Variants in CNST observed in about 807,000 individuals in gnomAD.
CNST encodes consortin, connexin sorting protein, also known as consortin.
A neutral mutation model predicts 72.4 loss-of-function variants in CNST; 39 were observed. That is an observed-to-expected ratio of 0.54 (90% CI 0.42 to 0.70). The LOEUF (loss-of-function observed/expected upper bound fraction) is 0.70, where lower values mean the gene tolerates loss of function less well. CNST is among the 30% of genes least tolerant of loss of function. The pLI is 0.00. For missense variants in CNST, 871 were observed against 868.5 expected, an observed-to-expected ratio of 1.00 and a Z score of -0.04; for synonymous variants, 332 against 320.1, an observed-to-expected ratio of 1.04 and a Z score of -0.40.
chr1:246,630,425 C>T (rs1378777219), intron 3 of CNST, among the ~76,000 whole-genome samples: 1 of 152,164 alleles, frequency 6.6e-6, no homozygotes, highest in Non-Finnish European at 1.5e-5. Flanking sequence ...TTTAATATAA[C>T]ATAAATATGG....
At chr1:246,635,196 C>T (rs1665113909) in intron 6 of CNST, among the ~76,000 whole-genome samples, 1 of 151,846 alleles carries the variant, frequency 6.6e-6, no homozygotes, top group Admixed American at 6.6e-5. Context: ...TAGAGGGTGG[C>T]GTGGGCACCT....
At chr1:246,612,006 A>G (rs1002552251) in intron 2 of CNST, among the ~76,000 whole-genome samples, 4 of 152,242 alleles carry the variant, frequency 2.6e-5, no homozygotes, top group African/African-American at 9.6e-5. Context: ...ACAAAAGGAC[A>G]AATATTTTAT....
intron 1 of CNST, among the ~76,000 whole-genome samples, chr1:246,578,668 CAA>C (rs535495219): frequency 7.1e-6 from 1 of 140,372 alleles, no homozygotes; most frequent in Admixed American, 7.1e-5. Flanking sequence ...GACTCCGTTT[CAA>C]AAAAAAAAAA....
At chr1:246,621,811 A>C (rs6699673) in intron 3 of CNST, among the ~76,000 whole-genome samples, 177 bp downstream of exon 3, 44,109 of 152,026 alleles carry the variant, frequency 0.29, 7,183 homozygotes, top group East Asian at 0.67. Context: ...CCTGGGCAAC[A>C]TGGCGAAACC....
At chr1:246,637,555 G>A (rs1005681166) in intron 6 of CNST, among the ~76,000 whole-genome samples, 7 of 152,198 alleles carry the variant, frequency 4.6e-5, no homozygotes, top group African/African-American at 1.7e-4. Flanking sequence ...GGTGTTGCAC[G>A]GAGTCTCATG....
intron 9 of CNST, among the ~76,000 whole-genome samples, chr1:246,657,729 A>T (rs1666846904): frequency 6.6e-6 from 1 of 152,192 alleles, no homozygotes; most frequent in African/African-American, 2.4e-5. Flanking sequence ...GAGCTAAGGC[A>T]GGGACCTCAC....
intron 1 of CNST, among the ~76,000 whole-genome samples, chr1:246,589,227 C>T (rs2103022538): frequency 6.6e-6 from 1 of 151,796 alleles, no homozygotes; most frequent in South Asian, 2.1e-4. Flanking sequence ...AACTCGTCAT[C>T]TAGCATTAGG....
Position 246,660,350 on chromosome 1 carries a change from C to A in CNST, c.1972+16C>A, listed in dbSNP as rs767736999. The A allele has an allele frequency of 1.9e-6, 3 of 1,608,684 alleles. No homozygotes were observed. Among genetic ancestry groups the A allele is most frequent in the Admixed American group, 1.7e-5 (1 of 58,634 alleles). ...TTGGATCAAGGTAAACCGCTTGGCA[C>A]TGTGGCTAGCAGGATAGATGCTCAG... On this transcript the variant is annotated intron_variant, in intron 10 of 10. Transcript: ENST00000366513.
chr1:246,655,934 A>G (rs1666747436), intron 9 of CNST, among the ~76,000 whole-genome samples: 1 of 152,250 alleles, frequency 6.6e-6, no homozygotes, highest in Non-Finnish European at 1.5e-5. Context: ...AGTTGTTATT[A>G]TGGAACCCAA....
rs563812537 is a variant in CNST, at chr1:246,660,164, A to G, written c.1837-35A>G. 9 of 1,570,272 alleles carry G rather than the reference A, an allele frequency of 5.7e-6. No individual in the cohort carries two copies. In the African/African-American group the frequency reaches 1.2e-4, roughly 22 times the overall value. On this transcript the variant is annotated intron_variant, in intron 9 of 10. Coordinates refer to ENST00000366513, the MANE Select transcript of CNST (RefSeq NM_152609.3). ...CTACATGTAGAGATGTCCCGCCTTA[A>G]TAAAAGAATTATAGGTTCTTATAAT...
At chr1:246,634,957 GTGTCTTCCGGCCGGGGTGC>G (rs1665070142) in intron 6 of CNST, among the ~76,000 whole-genome samples, 1 of 43,394 alleles carries the variant, frequency 2.3e-5, no homozygotes, top group African/African-American at 8.5e-5. Flanking sequence ...TCGGTGGTGC[GTGTCTTCCGGCCGGGGTGC>G]GTGTCTTCCG....
intron 1 of CNST, among the ~76,000 whole-genome samples, chr1:246,567,369 A>G (rs902073456): frequency 3.3e-5 from 5 of 150,060 alleles, no homozygotes; most frequent in East Asian, 2.0e-4. Flanking sequence ...TTTTTTACCT[A>G]TTGGGCAATG....
chr1:246,650,794 C>G (rs1401685572), intron 9 of CNST, among the ~76,000 whole-genome samples: 1 of 151,182 alleles, frequency 6.6e-6, no homozygotes, highest in Admixed American at 6.6e-5. Flanking sequence ...ACTCGTGCCT[C>G]AGTCTGTCGA....
At chr1:246,570,858 C>T (rs1187470830) in intron 1 of CNST, among the ~76,000 whole-genome samples, 1 of 152,114 alleles carries the variant, frequency 6.6e-6, no homozygotes, top group East Asian at 1.9e-4. Context: ...TTTTAAAAAG[C>T]CCTGATAAGG....
intron 3 of CNST, among the ~76,000 whole-genome samples, chr1:246,624,895 C>T (rs1664315923): frequency 6.6e-6 from 1 of 152,178 alleles, no homozygotes; most frequent in African/African-American, 2.4e-5. Context: ...CTCAGGTGAT[C>T]CACCCGCCTT....
In CNST at chr1:246,574,254, G is replaced by C. The variant is rs187947697; in HGVS notation, c.-52+7591G>C. On this transcript the variant is annotated intron_variant, in intron 1 of 10. Transcript: ENST00000366513. ...GACGGGATTTCACCGTGTTAGCCAG[G>C]ATGGTCTCGATCTCCTTACCTTGTG... Among the ~76,000 whole-genome samples, 592 of 152,220 alleles carry C rather than the reference G, an allele frequency of 3.9e-3. 3 individuals are homozygous for C. The highest frequency in any genetic ancestry group is 0.014 in the African/African-American group (568 of 41,530).
intron 10 of CNST, among the ~76,000 whole-genome samples, chr1:246,664,592 G>A (rs542763573): frequency 3.9e-5 from 6 of 152,032 alleles, no homozygotes; most frequent in South Asian, 2.1e-4. Context: ...ACGCCCAGCT[G>A]ATTTTTTATA....
At chr1:246,652,961 A>ATG (rs1558594534) in intron 9 of CNST, among the ~76,000 whole-genome samples, 7 of 151,108 alleles carry the variant, frequency 4.6e-5, no homozygotes, top group South Asian at 4.2e-4. Flanking sequence ...CCGAGATTGC[A>ATG]CCACTGCACT....
intron 2 of CNST, among the ~76,000 whole-genome samples, chr1:246,620,806 A>G (rs1280525810): frequency 6.7e-6 from 1 of 148,632 alleles, no homozygotes; most frequent in Non-Finnish European, 1.5e-5. Flanking sequence ...TACAGGGAAG[A>G]CGGCTTCAGT....
Sources: gnomAD v4.1 joint callset for allele counts (sites outside exome capture counted in the v4.1 genomes callset) on GRCh38, gnomAD v4.1.1 for gene constraint, MANE v1.5 for transcripts, NCBI Gene and HGNC (gene_info 2026-07-23, HGNC 2026-07-21) for gene names.